The following LRRC3B variants were observed in gnomAD, a reference collection of about 807,000 sequenced individuals.
LRRC3B encodes the protein leucine rich repeat containing 3B.
In LRRC3B, 2 loss-of-function variants were observed where a neutral mutation model predicts 12.8. The ratio of observed to expected loss-of-function variants is 0.16; its 90% CI spans 0.06 to 0.49. LRRC3B has a LOEUF of 0.49. LRRC3B is among the 20% of genes least tolerant of loss of function. The probability of loss-of-function intolerance (pLI) is 0.96; values close to 1 mark genes in which losing one functional copy is unlikely to be tolerated. For synonymous variants in LRRC3B, 132 were observed against 122.0 expected (o/e 1.08, Z -0.54); for missense variants, 189 against 319.4 (o/e 0.59, Z 3.11).
intron 1 of LRRC3B, among the ~76,000 whole-genome samples, chr3:26,636,996 CTCTCTT>C: frequency 6.9e-6 from 1 of 144,790 alleles, no homozygotes; most frequent in East Asian, 2.1e-4. Context: ...TTCTCTCTTT[CTCTCTT>C]TCTTTCTTTC....
At chr3:26,663,790 C>T (rs971017909) in intron 1 of LRRC3B, among the ~76,000 whole-genome samples, 6 of 152,160 alleles carry the variant, frequency 3.9e-5, no homozygotes, top group African/African-American at 1.4e-4. Flanking sequence ...ATCAATACTA[C>T]ATTTATTCAG....
At chr3:26,705,567 A>T (rs1363082949) in intron 1 of LRRC3B, among the ~76,000 whole-genome samples, 1 of 151,920 alleles carries the variant, frequency 6.6e-6, no homozygotes, top group Non-Finnish European at 1.5e-5. Context: ...GCCCTTCTTT[A>T]TGTTCTAACC....
chr3:26,671,407 G>GAGAGAGAC (rs1699741818), intron 1 of LRRC3B, among the ~76,000 whole-genome samples: 1 of 131,776 alleles, frequency 7.6e-6, no homozygotes, highest in Non-Finnish European at 1.6e-5. Flanking sequence ...GAGAGAGAGA[G>GAGAGAGAC]AGAGAGACGA....
chr3:26,642,202 G>A (rs1000843503), intron 1 of LRRC3B, among the ~76,000 whole-genome samples: 1 of 152,182 alleles, frequency 6.6e-6, no homozygotes, highest in Non-Finnish European at 1.5e-5. Context: ...GTATGTTTGT[G>A]AGAGAAAGAA....
chr3:26,675,534 CCTCA>C (rs1699839613), intron 1 of LRRC3B, among the ~76,000 whole-genome samples: 1 of 152,202 alleles, frequency 6.6e-6, no homozygotes, highest in African/African-American at 2.4e-5. Flanking sequence ...TGTGAAGAAG[CCTCA>C]CTGAGTGTTT....
chr3:26,671,413 G>GAGAGAGAGAGAGAGAGAGAGAGGC (rs9331540), intron 1 of LRRC3B, among the ~76,000 whole-genome samples: 1 of 99,388 alleles, frequency 1.0e-5, no homozygotes, highest in Non-Finnish European at 1.9e-5. Context: ...GAGAGAGAGA[G>GAGAGAGAGAGAGAGAGAGAGAGGC]ACGAAGTCTT....
intron 1 of LRRC3B, among the ~76,000 whole-genome samples, chr3:26,671,367 TATATATAGAGAGAGAGAG>T (rs1699733462): frequency 2.5e-5 from 1 of 40,296 alleles, no homozygotes; most frequent in Non-Finnish European, 4.6e-5. Context: ...TATATATATA[TATATATAGAGAGAGAGAG>T]AGAGAGAGAG....
intron 1 of LRRC3B, among the ~76,000 whole-genome samples, chr3:26,706,143 G>A (rs933149119): frequency 6.6e-6 from 1 of 152,164 alleles, no homozygotes; most frequent in Admixed American, 6.5e-5. Flanking sequence ...CATGGCAGAA[G>A]GGATGAGAGA....
At chr3:26,675,612 A>T (rs903781132) in intron 1 of LRRC3B, among the ~76,000 whole-genome samples, 4 of 152,252 alleles carry the variant, frequency 2.6e-5, no homozygotes, top group African/African-American at 9.6e-5. Flanking sequence ...TTAAAAAATA[A>T]GTTAATTGGA....
intron 1 of LRRC3B, among the ~76,000 whole-genome samples, chr3:26,686,582 A>G (rs1422066664): frequency 6.6e-6 from 1 of 152,210 alleles, no homozygotes; most frequent in Non-Finnish European, 1.5e-5. Context: ...TACCAACCTC[A>G]TTGAAAAAAG....
intron 1 of LRRC3B, among the ~76,000 whole-genome samples, chr3:26,701,910 T>G (rs921341332): frequency 6.6e-6 from 1 of 152,156 alleles, no homozygotes; most frequent in Non-Finnish European, 1.5e-5. Context: ...AACTCTACAT[T>G]CATTTAACCA....
Position 26,636,916 on chromosome 3 carries a change from C to CTCTTTCTTTCTT in LRRC3B, c.-161+13727_-161+13738dup, listed in dbSNP as rs559017147. Among the ~76,000 whole-genome samples the CTCTTTCTTTCTT allele has an allele frequency of 3.2e-3, 228 of 71,096 alleles. 1 individual carries two copies. Among genetic ancestry groups the CTCTTTCTTTCTT allele is most frequent in the Middle Eastern group, 7.8e-3 (1 of 128 alleles). The allele number at this position is 71,096 out of a possible 152,430, so 46.6% of individuals were successfully genotyped here. On this transcript the variant is annotated intron_variant, in intron 1 of 1. Transcript: ENST00000396641. ...TCTCTCTCTCTCTTTCTCTCTTTCT[C>CTCTTTCTTTCTT]TCTTTCTTTCTTTCTTTCTTTCTTT...
rs188407968 is a variant in LRRC3B at position 26,676,017 on chromosome 3, G to A, written c.-160-33496G>A. ...CAATCTTTATTTTCATGACATTAAC[G>A]TTTTTGAAGAGTGTTGGCCAGTTAC... is the stretch of plus-strand genomic sequence containing the variant. On this transcript the variant is annotated intron_variant, in intron 1 of 1. Coordinates refer to ENST00000396641, the Ensembl canonical transcript of LRRC3B. Among the ~76,000 whole-genome samples the A allele has an allele frequency of 2.8e-4, 41 of 146,396 alleles. No homozygotes were observed. The East Asian group carries it at 2.8e-3, about 10-fold the overall frequency.
exon 1 of LRRC3B, chr3:26,622,956 G>T (rs1170928820): frequency 1.3e-5 from 2 of 151,562 alleles, no homozygotes; most frequent in Non-Finnish European, 2.9e-5. Context: ...ACGGCCGCCC[G>T]GGGCCGCACC....
intron 1 of LRRC3B, among the ~76,000 whole-genome samples, chr3:26,627,159 G>A (rs780321160): frequency 2.0e-5 from 3 of 152,208 alleles, no homozygotes; most frequent in Non-Finnish European, 4.4e-5. Flanking sequence ...GCAGTCACTT[G>A]AGGATTTCAT....
intron 1 of LRRC3B, among the ~76,000 whole-genome samples, chr3:26,679,810 C>G (rs1699933170): frequency 6.6e-6 from 1 of 152,106 alleles, no homozygotes; most frequent in Non-Finnish European, 1.5e-5. Flanking sequence ...AGAACAGTCC[C>G]TGGCATGTAG....
chr3:26,641,738 G>C (rs548095650), intron 1 of LRRC3B, among the ~76,000 whole-genome samples: 90 of 152,000 alleles, frequency 5.9e-4, no homozygotes, highest in African/African-American at 2.1e-3. Context: ...GGAGTAACTT[G>C]ATAAAATAGA....
intron 1 of LRRC3B, among the ~76,000 whole-genome samples, chr3:26,685,501 C>CTG (rs1700059340): frequency 2.2e-5 from 1 of 45,562 alleles, no homozygotes; most frequent in Non-Finnish European, 4.2e-5. Flanking sequence ...CTCTCTCTCT[C>CTG]TCTCTCTCTC....
intron 1 of LRRC3B, among the ~76,000 whole-genome samples, chr3:26,676,423 T>G (rs1179645501): frequency 6.6e-6 from 1 of 152,184 alleles, no homozygotes; most frequent in East Asian, 1.9e-4. Flanking sequence ...CTCATCATTT[T>G]TTATGGCTGC....
Sources: gnomAD v4.1 joint callset for allele counts (sites outside exome capture counted in the v4.1 genomes callset) on GRCh38, gnomAD v4.1.1 for gene constraint, MANE v1.5 for transcripts, NCBI Gene and HGNC (gene_info 2026-07-23, HGNC 2026-07-21) for gene names.